The following DBF4B variants were observed in gnomAD, a reference collection of about 807,000 sequenced individuals.
DBF4B encodes the protein protein DBF4 homolog B.
DBF4B carries 49 observed loss-of-function variants against 53.4 expected under a neutral mutation model. That is an observed-to-expected ratio of 0.92 (90% confidence interval 0.73 to 1.16). The LOEUF is 1.16. DBF4B is among the 50% of genes most tolerant of loss of function. The pLI is 0.00. For synonymous variants in DBF4B, 257 were observed against 288.7 expected (o/e 0.89, Z 1.11); for missense variants, 692 against 775.0 (o/e 0.89, Z 1.27).
At position 44,741,327 on chromosome 17, in the gene DBF4B, C is replaced by T; in HGVS notation, c.714-9C>T. 1 of 1,598,274 alleles carries T rather than the reference C, an allele frequency of 6.3e-7. No homozygotes were observed. Among genetic ancestry groups the T allele is most frequent in the Non-Finnish European group, 8.6e-7 (1 of 1,165,872 alleles). On this transcript the variant is annotated splice_polypyrimidine_tract_variant and intron_variant, in intron 9 of 13. Transcript: ENST00000315005. ...ATTGTAGTCAAAGTGGAAGTTTTCT[C>T]TGTTGCAGGAAGTTTCGTCCTTTCC... is the stretch of plus-strand genomic sequence containing the variant.
At chr17:44,738,949 C>T (rs1342429192) in intron 9 of DBF4B, among the ~76,000 whole-genome samples, 1 of 152,098 alleles carries the variant, frequency 6.6e-6, no homozygotes, top group Non-Finnish European at 1.5e-5. Flanking sequence ...TCCTGACAGC[C>T]CTGGGTGAAA....
chr17:44,749,586 C>T lies in DBF4B; in HGVS notation c.1190-1009C>T, dbSNP rs901736692. 11 of 1,197,942 alleles carry T rather than the reference C, an allele frequency of 9.2e-6. No individual in the cohort carries two copies. The Admixed American group carries it at 1.7e-4, about 18-fold the overall frequency. 74.2% of individuals were successfully genotyped at this position (1,197,942 alleles called of 1,614,324 possible). A position where few individuals can be genotyped will look rare whatever the true frequency, so the allele number is the denominator to read the frequency against. ...TTTGGGAGAGAATCTGGGCTGGGGG[C>T]TGCCCTCTCCTACCCCTGCCTCCTG... On this transcript the variant is annotated intron_variant, in intron 13 of 13. Coordinates refer to ENST00000315005, the MANE Select transcript of DBF4B (RefSeq NM_145663.3). The surrounding 1 kb of genome is among the most constrained non-coding windows in gnomAD (Gnocchi z 4.4).
chr17:44,737,774 C>A (rs964576115), intron 8 of DBF4B, among the ~76,000 whole-genome samples: 1 of 152,166 alleles, frequency 6.6e-6, no homozygotes, highest in Admixed American at 6.5e-5. Flanking sequence ...CTCCTTTGCC[C>A]TATTTTTTCA....
At chr17:44,710,832 A>G (rs1029327155) in intron 2 of DBF4B, among the ~76,000 whole-genome samples, 2 of 152,070 alleles carry the variant, frequency 1.3e-5, no homozygotes, top group African/African-American at 4.8e-5. Flanking sequence ...TCAGCTTCCC[A>G]AAGTGTTGGG....
rs1020102609 is a variant in DBF4B, at chr17:44,723,025, A to G, written c.225+3A>G. 1 of 1,613,902 alleles carries G rather than the reference A, an allele frequency of 6.2e-7. No homozygotes were observed. The highest frequency in any genetic ancestry group is 8.5e-7 in the Non-Finnish European group (1 of 1,179,838). ...GGGCCATTCAGCAACTGGGTGGGGT[A>G]GGTAACCTGCTCTTCTCCTGCGATG... is the stretch of plus-strand genomic sequence containing the variant. On this transcript the variant is annotated splice_donor_region_variant and intron_variant, in intron 3 of 13. Transcript: ENST00000315005.
At position 44,723,757 on chromosome 17, in the gene DBF4B, T is replaced by TA. The variant is rs962253523; in HGVS notation, c.225+748dup. ...CTGGGAGACAGAGTGAGACTCTGTA[T>TA]AAAAAAAAAAAAATGATAAATAAAT... On this transcript the variant is annotated intron_variant, in intron 3 of 13. Coordinates refer to ENST00000315005, the MANE Select transcript of DBF4B (RefSeq NM_145663.3). Among the ~76,000 whole-genome samples the TA allele has an allele frequency of 5.0e-3, 696 of 138,052 alleles. 2 individuals carry two copies. The highest frequency in any genetic ancestry group is 0.017 in the South Asian group (75 of 4,340). 90.6% of individuals were successfully genotyped at this position (138,052 alleles called of 152,430 possible).
At chr17:44,748,565 T>TG in intron 13 of DBF4B, 100 bp downstream of exon 13, 1 of 1,567,744 alleles carries the variant, frequency 6.4e-7, no homozygotes. Context: ...TGCCAGGACC[T>TG]GGGGGTGTCA....
At chr17:44,726,295 T>TATTGATTG (rs1974328763) in intron 3 of DBF4B, among the ~76,000 whole-genome samples, 1 of 139,084 alleles carries the variant, frequency 7.2e-6, no homozygotes, top group Non-Finnish European at 1.5e-5. Flanking sequence ...GGCCCTTTTT[T>TATTGATTG]ATTTATTTAT....
intron 2 of DBF4B, among the ~76,000 whole-genome samples, chr17:44,712,905 T>C (rs1429800468): frequency 3.3e-5 from 5 of 151,996 alleles, no homozygotes; most frequent in African/African-American, 1.2e-4. Flanking sequence ...GACTGTCTTC[T>C]ATGGACAATA....
In DBF4B at chr17:44,748,372, C is replaced by T. The variant is rs1292971653; in HGVS notation, c.1096C>T (p.Pro366Ser). 6.2e-7 allele frequency: 1 copy of T among 1,608,342 alleles called. No individual in the cohort carries two copies. Among genetic ancestry groups the T allele is most frequent in the Non-Finnish European group, 8.5e-7 (1 of 1,177,292 alleles). ...AGGTTCCCCAGCTTCTGATTGTGAC[C>T]CTCTCTGTCCTGAGACTCTGCACCC... ...WSGSPASDCD[P>S]LCPETLHPHQ... The change falls in exon 13 of 14, where the codon CCT (proline) becomes TCT (serine). Residue 366 changes from proline to serine, a missense_variant. By Grantham distance (74) the Pro-to-Ser change is moderately conservative. Coordinates refer to ENST00000315005, the MANE Select transcript of DBF4B (RefSeq NM_145663.3).
chr17:44,722,487 A>G (rs769323461), intron 2 of DBF4B, among the ~76,000 whole-genome samples: 12 of 152,126 alleles, frequency 7.9e-5, no homozygotes, highest in Non-Finnish European at 1.3e-4. Context: ...GCAGTGACTC[A>G]CTCAGCACAG....
chr17:44,750,042 T>A, intron 13 of DBF4B: 8 of 1,000,890 alleles, frequency 8.0e-6, no homozygotes, highest in Non-Finnish European at 9.5e-6. Context: ...GAGCCCCCTC[T>A]GGGACCCCTC....
chr17:44,725,827 C>T (rs1435386304), intron 3 of DBF4B, among the ~76,000 whole-genome samples: 1 of 151,480 alleles, frequency 6.6e-6, no homozygotes, highest in Non-Finnish European at 1.5e-5. Context: ...GCTGGGACTA[C>T]AGGTGCTCGC....
intron 2 of DBF4B, among the ~76,000 whole-genome samples, chr17:44,721,906 G>A (rs755215994): frequency 5.3e-5 from 8 of 151,462 alleles, no homozygotes; most frequent in East Asian, 1.9e-4. Context: ...AGGCCGAGGC[G>A]AGCAGATCAC....
At chr17:44,742,229 C>T (rs1219969872) in intron 10 of DBF4B, among the ~76,000 whole-genome samples, 1 of 151,636 alleles carries the variant, frequency 6.6e-6, no homozygotes, top group Non-Finnish European at 1.5e-5. Context: ...TGGTGAAACC[C>T]CTTCTCTACT....
intron 2 of DBF4B, among the ~76,000 whole-genome samples, chr17:44,721,574 C>G (rs577783292): frequency 1.3e-5 from 2 of 152,072 alleles, no homozygotes; most frequent in Non-Finnish European, 2.9e-5. Flanking sequence ...TCCTCCCTAG[C>G]CTTTTTGAGG....
intron 3 of DBF4B, among the ~76,000 whole-genome samples, 173 bp downstream of exon 3, chr17:44,723,195 C>T (rs1046270367): frequency 2.6e-5 from 4 of 152,222 alleles, no homozygotes; most frequent in Non-Finnish European, 4.4e-5. Flanking sequence ...CAACCTCTGC[C>T]TCCCGGGTTC....
chr17:44,751,142 C>T lies in DBF4B; in HGVS notation c.1737C>T (p.Pro579=), dbSNP rs1364645722. 1 of 1,613,988 alleles carries T rather than the reference C, an allele frequency of 6.2e-7. No homozygotes were observed. The highest frequency in any genetic ancestry group is 1.3e-5 in the African/African-American group (1 of 74,916). Residue 579 remains proline, a synonymous_variant, in exon 14 of 14, where the codon CCC becomes CCT. Transcript: ENST00000315005. ...CACATCCGTGTACCCTTGCCTTCCC[C>T]TCCTATCTCAATGATCATGACCTTG... is the stretch of plus-strand genomic sequence containing the variant. ...RTSHPCTLAF[P]SYLNDHDLGH...
intron 2 of DBF4B, among the ~76,000 whole-genome samples, chr17:44,715,839 T>TTTG (rs1973288494): frequency 9.0e-6 from 1 of 110,568 alleles, no homozygotes; most frequent in South Asian, 2.8e-4. Context: ...TTTTTTTTTT[T>TTTG]TGAGGCAGAG....
Sources: allele counts gnomAD v4.1 joint callset (sites outside exome capture counted in the v4.1 genomes callset), GRCh38; gene constraint gnomAD v4.1.1; non-coding constraint Gnocchi (gnomAD v3.1); transcripts MANE v1.5; gene names NCBI Gene and HGNC (gene_info 2026-07-23, HGNC 2026-07-21).